The following KHDC4 variants were observed in gnomAD, a reference collection of about 807,000 sequenced individuals.
KHDC4 encodes the protein KH domain containing 4, pre-mRNA splicing factor.
Under a neutral mutation model 74.5 loss-of-function variants are expected in KHDC4, and 19 were observed. The ratio of observed to expected loss-of-function variants is 0.26; its 90% CI spans 0.18 to 0.37. The LOEUF (loss-of-function observed/expected upper bound fraction) is 0.37. Among genes scored for constraint, KHDC4 ranks in the 10% least tolerant of loss-of-function variants. The pLI, the probability that KHDC4 is intolerant of heterozygous loss-of-function variation, is 1.00. For synonymous variants in KHDC4, 253 were observed against 266.1 expected (o/e 0.95, Z 0.48); for missense variants, 632 against 754.1 (o/e 0.84, Z 1.90).
chr1:155,925,242 A>G (rs1466996850), intron 7 of KHDC4, among the ~76,000 whole-genome samples: 2 of 151,798 alleles, frequency 1.3e-5, no homozygotes, highest in Non-Finnish European at 2.9e-5. Context: ...CTTGTTAGCC[A>G]GGATGGTCTC....
Position 155,914,218 on chromosome 1 carries a change from T to C in KHDC4, c.1748A>G (p.Asn583Ser). 1 of 1,614,130 alleles carries C rather than the reference T, an allele frequency of 6.2e-7. No homozygotes were observed. The highest frequency in any genetic ancestry group is 2.2e-5 in the East Asian group (1 of 44,890). ...CCAGCCCTGTGGAAAACTACTTGCATTTTTATGACCTCCATGTTCCTCCTC... is the reference window on the plus strand; with the variant it reads ...CCAGCCCTGTGGAAAACTACTTGCACTTTTATGACCTCCATGTTCCTCCTC... ...DEEEEHGGHK[N>S]ASSFPQGWSL... The change falls in exon 14 of 14, where the codon AAT becomes AGT. Residue 583 changes from asparagine to serine, a missense_variant. Transcript: ENST00000368321.
intron 2 of KHDC4, among the ~76,000 whole-genome samples, chr1:155,930,993 A>G (rs868372164): frequency 1.3e-5 from 2 of 152,086 alleles, no homozygotes; most frequent in Non-Finnish European, 2.9e-5. Flanking sequence ...CCTGGGCAAC[A>G]AGAGCAAAAC....
Position 155,926,787 on chromosome 1 carries a change from G to A in KHDC4, c.570C>T (p.Ala190=). Residue 190 remains alanine, a synonymous_variant, in exon 6 of 14, where the codon GCC becomes GCT. Coordinates refer to ENST00000368321, the MANE Select transcript of KHDC4 (RefSeq NM_014949.4). Reference sequence around the variant, plus strand: ...CATTAAAAGTTGGACTTGTTCCTGTGGCAGCTTTTACCACTCCATTGGTGA... The same window carrying A: ...CATTAAAAGTTGGACTTGTTCCTGTAGCAGCTTTTACCACTCCATTGGTGA... ...EIITNGVVKA[A]TGTSPTFNGA... 6.2e-7 allele frequency: 1 copy of A among 1,614,136 alleles called. No homozygotes were observed. The highest frequency in any genetic ancestry group is 8.5e-7 in the Non-Finnish European group (1 of 1,180,014).
rs148284970 is a variant in KHDC4, at chr1:155,921,250, A to G, written c.1266+125T>C. ...ATTCAGGTAGGTTGGTGGTAGGAAC[A>G]CAGAAGACAGCAGGAAAAAGACATT... On this transcript the variant is annotated intron_variant, in intron 10 of 13. Transcript: ENST00000368321. The G allele has an allele frequency of 4.0e-4, 457 of 1,136,184 alleles. No homozygotes were observed. The African/African-American group carries it at 6.1e-3, about 15-fold the overall frequency. 70.4% of individuals were successfully genotyped at this position (1,136,184 alleles called of 1,614,324 possible).
intron 6 of KHDC4, chr1:155,926,325 C>CTTTT (rs34342755): frequency 0.012 from 2,078 of 174,378 alleles, 5 homozygotes; most frequent in South Asian, 0.021. Context: ...TTACTTGGCA[C>CTTTT]TTTTTTTTTT....
intron 10 of KHDC4, chr1:155,920,068 C>T (rs796899787): frequency 2.5e-5 from 12 of 474,742 alleles, no homozygotes; most frequent in African/African-American, 2.4e-4. Flanking sequence ...TCTCCCCTGC[C>T]TCCAAGACCA....
chr1:155,927,808 A>G (rs1674039367), intron 4 of KHDC4, among the ~76,000 whole-genome samples: 2 of 96,490 alleles, frequency 2.1e-5, no homozygotes, highest in African/African-American at 8.4e-5. Context: ...GTCTCCAAAA[A>G]AAAAAAAAAA....
chr1:155,920,254 A>ACG (rs397824135), intron 10 of KHDC4, among the ~76,000 whole-genome samples: 1 of 150,822 alleles, frequency 6.6e-6, no homozygotes. Flanking sequence ...CCTGGCTAAC[A>ACG]GTGAAACCCC....
At chr1:155,929,436 G>C in intron 3 of KHDC4, 61 bp from the exon 4 acceptor site, 1 of 1,332,492 alleles carries the variant, frequency 7.5e-7, no homozygotes, top group Non-Finnish European at 1.1e-6. Context: ...ATGGCAGACA[G>C]ATTTTCTTCC....
At position 155,933,703 on chromosome 1, in the gene KHDC4, ACAG is replaced by A. The variant is rs759888408; in HGVS notation, c.182_184del (p.Ala61del). On this transcript the variant is annotated inframe_deletion, in exon 2 of 14. Coordinates refer to ENST00000368321, the MANE Select transcript of KHDC4 (RefSeq NM_014949.4). Reference sequence around the variant, plus strand: ...GAGCATGGCATTAATCTTGGCAGCCACAGCAGCAGCAGCATCCAAGGCTCCTGA... The same window carrying A: ...GAGCATGGCATTAATCTTGGCAGCCACAGCAGCAGCATCCAAGGCTCCTGA... 3.1e-6 allele frequency: 5 copies of A among 1,612,658 alleles called. No homozygotes were observed. Among genetic ancestry groups the A allele is most frequent in the Non-Finnish European group, 3.4e-6 (4 of 1,178,936 alleles).
At chr1:155,920,901 A>G (rs1673848134) in intron 10 of KHDC4, among the ~76,000 whole-genome samples, 1 of 152,178 alleles carries the variant, frequency 6.6e-6, no homozygotes, top group Non-Finnish European at 1.5e-5. Flanking sequence ...TAACACTGCA[A>G]AGGTAAGGTT....
chr1:155,931,443 A>G lies in KHDC4; in HGVS notation c.256-1603T>C, dbSNP rs1288047696. Among the ~76,000 whole-genome samples the G allele has an allele frequency of 2.0e-5, 3 of 152,096 alleles. No homozygotes were observed. In the East Asian group the frequency reaches 5.8e-4, roughly 29 times the overall value. Reference sequence around the variant, plus strand: ...ACCCATCTCTTCAAAAAATAAAAAAAATTAGCCGGGCATGGTGGCATGCGT... The same window carrying G: ...ACCCATCTCTTCAAAAAATAAAAAAGATTAGCCGGGCATGGTGGCATGCGT... On this transcript the variant is annotated intron_variant, in intron 2 of 13. Coordinates refer to ENST00000368321, the MANE Select transcript of KHDC4 (RefSeq NM_014949.4).
chr1:155,927,427 T>A (rs931094882), intron 4 of KHDC4, among the ~76,000 whole-genome samples: 6 of 152,194 alleles, frequency 3.9e-5, no homozygotes, highest in Admixed American at 3.9e-4. Context: ...TCCAGTCTAT[T>A]GAGATAACCC....
chr1:155,914,085 G>T lies in KHDC4; in HGVS notation c.*36C>A, dbSNP rs750889119. On this transcript the variant is annotated 3_prime_UTR_variant, in exon 14 of 14. Transcript: ENST00000368321. ...CAAATGCATGCATTATTGCTAAGAA[G>T]AGTCACTGAGGGTCAAAACTCTGTT... 89 of 1,530,866 alleles carry T rather than the reference G, an allele frequency of 5.8e-5. No homozygotes were observed. The highest frequency in any genetic ancestry group is 5.1e-4 in the Middle Eastern group (3 of 5,916). The allele number at this position is 1,530,866 out of a possible 1,614,324, so 94.8% of individuals were successfully genotyped here. A position where few individuals can be genotyped will look rare whatever the true frequency, so the allele number is the denominator to read the frequency against.
chr1:155,917,987 T>A (rs999643613), intron 10 of KHDC4, among the ~76,000 whole-genome samples: 1 of 152,242 alleles, frequency 6.6e-6, no homozygotes. Context: ...TCGATGTGAT[T>A]AGCTTTCTGT....
At chr1:155,931,305 AAAAGACAG>A (rs1372973267) in intron 2 of KHDC4, among the ~76,000 whole-genome samples, 3 of 151,540 alleles carry the variant, frequency 2.0e-5, no homozygotes, top group African/African-American at 7.3e-5. Flanking sequence ...AAAAAAAAAA[AAAAGACAG>A]AAAGACAGAA....
At chr1:155,929,630 T>C (rs1235134237) in intron 3 of KHDC4, 82 bp downstream of exon 3, 75 of 1,474,482 alleles carry the variant, frequency 5.1e-5, no homozygotes, top group Non-Finnish European at 6.5e-5. Context: ...CACTAATAAA[T>C]ATCTGACGCC....
chr1:155,929,952 GC>G, intron 2 of KHDC4, 112 bp from the exon 3 acceptor site: 1 of 629,556 alleles, frequency 1.6e-6, no homozygotes, highest in Non-Finnish European at 2.2e-6. Context: ...GGAGTCTGTC[GC>G]CCAGGATGGA....
At chr1:155,918,583 G>A (rs762731864) in intron 10 of KHDC4, among the ~76,000 whole-genome samples, 5 of 152,138 alleles carry the variant, frequency 3.3e-5, no homozygotes, top group African/African-American at 4.8e-5. Flanking sequence ...TAGGCTATAC[G>A]ATATGGCCTA....
Sources: allele counts gnomAD v4.1 joint callset (sites outside exome capture counted in the v4.1 genomes callset), GRCh38; gene constraint gnomAD v4.1.1; transcripts MANE v1.5; gene names NCBI Gene and HGNC (gene_info 2026-07-23, HGNC 2026-07-21).